Variants in PCDH7 observed in about 807,000 individuals in gnomAD.
PCDH7 encodes the protein protocadherin-7.
Under a neutral mutation model 58.9 loss-of-function variants are expected in PCDH7, and 17 were observed. The observed-to-expected ratio is 0.29, with a 90% CI of 0.20 to 0.43. The LOEUF is 0.43. PCDH7 is among the 20% of genes least tolerant of loss of function. The probability of loss-of-function intolerance (pLI) is 1.00; values close to 1 mark genes in which losing one functional copy is unlikely to be tolerated. For missense variants in PCDH7, 1,274 were observed against 1,441.0 expected (o/e 0.88, Z 1.88); for synonymous variants, 664 against 616.4 (o/e 1.08, Z -1.14).
intron 1 of PCDH7, among the ~76,000 whole-genome samples, chr4:30,754,613 A>G (rs574035792): frequency 5.3e-5 from 8 of 152,194 alleles, no homozygotes; most frequent in Non-Finnish European, 1.2e-4. Flanking sequence ...TCACACAATA[A>G]TACTATTCAG....
At chr4:31,102,448 C>A (rs951899301) in intron 3 of PCDH7, among the ~76,000 whole-genome samples, 4 of 152,046 alleles carry the variant, frequency 2.6e-5, no homozygotes, top group African/African-American at 9.7e-5. Context: ...ATGGGCTGGG[C>A]ACGGTGCCTC....
chr4:30,746,420 G>A (rs1035893951), intron 1 of PCDH7, among the ~76,000 whole-genome samples: 1 of 151,368 alleles, frequency 6.6e-6, no homozygotes, highest in Admixed American at 6.6e-5. Flanking sequence ...GGGAGAGCAG[G>A]GGGTAGATGT....
At chr4:30,998,578 G>A (rs140911739) in intron 3 of PCDH7, among the ~76,000 whole-genome samples, 18 of 152,254 alleles carry the variant, frequency 1.2e-4, no homozygotes, top group South Asian at 6.2e-4. Context: ...TTTATGGGGC[G>A]TATCCCAGAA....
chr4:31,002,507 GATTT>G (rs1752435591), intron 3 of PCDH7, among the ~76,000 whole-genome samples: 1 of 152,176 alleles, frequency 6.6e-6, no homozygotes, highest in African/African-American at 2.4e-5. Context: ...TGGAGGGAAA[GATTT>G]TTTGCAATGA....
intron 1 of PCDH7, among the ~76,000 whole-genome samples, chr4:30,816,485 T>C (rs1044178056): frequency 6.6e-6 from 1 of 152,184 alleles, no homozygotes; most frequent in Non-Finnish European, 1.5e-5. Flanking sequence ...TTAATTATGT[T>C]GTATCTTTTA....
At chr4:30,859,261 C>A (rs1334277519) in intron 1 of PCDH7, among the ~76,000 whole-genome samples, 2 of 152,106 alleles carry the variant, frequency 1.3e-5, no homozygotes, top group African/African-American at 2.4e-5. Context: ...AACCACACAG[C>A]ATTTTAAATC....
rs770287044 is a variant in PCDH7, at chr4:30,723,158, T to C, written c.1736T>C (p.Met579Thr). ...GCCTACTCGCTGGACTCCTCTGTGA[T>C]GGGGATCTTTGCCATCGATCCCGAT... The change falls in exon 1 of 2, where the codon ATG (methionine) becomes ACG (threonine). Residue 579 changes from methionine (M) to threonine (T), a missense_variant. Met to Thr is a moderately conservative substitution (Grantham distance 81). Around this residue, in one of 3 missense-constraint regions of PCDH7, gnomAD observed 731 missense variants for 881.9 expected, o/e 0.83. Coordinates refer to ENST00000361762, the Ensembl canonical transcript of PCDH7. This position sits in a 1 kb window ranked among gnomAD's most constrained non-coding sequence, Gnocchi z 4.6. 4.3e-6 allele frequency: 7 copies of C among 1,614,046 alleles called. No homozygotes were observed. Among genetic ancestry groups the C allele is most frequent in the Middle Eastern group, 1.6e-4 (1 of 6,082 alleles).
chr4:31,107,176 T>C (rs1288896863), intron 3 of PCDH7, among the ~76,000 whole-genome samples: 1 of 152,196 alleles, frequency 6.6e-6, no homozygotes, highest in Non-Finnish European at 1.5e-5. Context: ...CTGATAAAAT[T>C]ACCCACGAAA....
chr4:31,114,520 G>C (rs911571052), intron 3 of PCDH7, among the ~76,000 whole-genome samples: 1 of 151,806 alleles, frequency 6.6e-6, no homozygotes. Context: ...ACAAAATTGG[G>C]CTTGTTTTTA....
chr4:30,748,487 A>G (rs1718066743), intron 1 of PCDH7, among the ~76,000 whole-genome samples: 1 of 152,210 alleles, frequency 6.6e-6, no homozygotes, highest in South Asian at 2.1e-4. Context: ...CACATTAGAC[A>G]GAGAACAAAT....
At chr4:30,766,476 T>G (rs1025898247) in intron 1 of PCDH7, among the ~76,000 whole-genome samples, 1 of 152,188 alleles carries the variant, frequency 6.6e-6, no homozygotes, top group Non-Finnish European at 1.5e-5. Flanking sequence ...AGACTTGTGG[T>G]GTGCTAAATG....
At chr4:31,035,101 T>TGAG (rs1755279864) in intron 3 of PCDH7, among the ~76,000 whole-genome samples, 1 of 152,202 alleles carries the variant, frequency 6.6e-6, no homozygotes, top group Non-Finnish European at 1.5e-5. Context: ...GAATGATCGA[T>TGAG]GAGGTTCTTT....
At chr4:30,998,435 C>G (rs1293331444) in intron 3 of PCDH7, among the ~76,000 whole-genome samples, 1 of 152,052 alleles carries the variant, frequency 6.6e-6, no homozygotes, top group Non-Finnish European at 1.5e-5. Flanking sequence ...TTGTAGTTGT[C>G]TGACTGAGAT....
At chr4:30,837,554 A>C (rs1361880687) in intron 1 of PCDH7, among the ~76,000 whole-genome samples, 2 of 151,802 alleles carry the variant, frequency 1.3e-5, no homozygotes, top group African/African-American at 4.8e-5. Flanking sequence ...TAGAAAATAG[A>C]GAAAAAAAAA....
At chr4:31,074,128 A>T (rs2109257060) in intron 3 of PCDH7, among the ~76,000 whole-genome samples, 1 of 151,864 alleles carries the variant, frequency 6.6e-6, no homozygotes, top group Non-Finnish European at 1.5e-5. Flanking sequence ...AATTAGCTGT[A>T]CTCTGCAACC....
chr4:30,733,985 C>T (rs1715885343), downstream of PCDH7, among the ~76,000 whole-genome samples: 1 of 152,040 alleles, frequency 6.6e-6, no homozygotes, highest in Admixed American at 6.5e-5. Context: ...TTATGAACTA[C>T]AGCCACATAT....
intron 1 of PCDH7, among the ~76,000 whole-genome samples, chr4:30,857,030 A>T (rs1487790958): frequency 1.3e-5 from 2 of 152,096 alleles, no homozygotes; most frequent in East Asian, 3.9e-4. Flanking sequence ...GTTGAAATAG[A>T]GATGTAATTA....
At chr4:31,026,256 T>C (rs181577726) in intron 3 of PCDH7, among the ~76,000 whole-genome samples, 14 of 152,354 alleles carry the variant, frequency 9.2e-5, no homozygotes, top group South Asian at 2.1e-4. Flanking sequence ...ATTATCTTTC[T>C]AAGTACAGTG....
In PCDH7 at chr4:30,895,501, T is replaced by C. The variant is rs573835245; in HGVS notation, c.71-24652T>C. ...TTTTATAATTGGGTTTGTCTCACCATTGCCCCTACCTGCACTCTCATCATG... is the reference window on the plus strand; with the variant it reads ...TTTTATAATTGGGTTTGTCTCACCACTGCCCCTACCTGCACTCTCATCATG... On this transcript the variant is annotated intron_variant, in intron 1 of 3. Coordinates refer to the PCDH7 transcript ENST00000509759. Among the ~76,000 whole-genome samples the C allele has an allele frequency of 3.3e-5, 5 of 152,304 alleles. No individual in the cohort carries two copies. In the East Asian group the frequency reaches 9.7e-4, roughly 29 times the overall value.
Sources: gnomAD v4.1 joint callset for allele counts (sites outside exome capture counted in the v4.1 genomes callset) on GRCh38, gnomAD v4.1.1 for gene constraint, gnomAD v4.1.1 regional missense constraint, Gnocchi (gnomAD v3.1) non-coding constraint, MANE v1.5 for transcripts, NCBI Gene and HGNC (gene_info 2026-07-23, HGNC 2026-07-21) for gene names.